Variants in ARHGEF26 observed in about 807,000 individuals in gnomAD.
ARHGEF26 encodes the protein Rho guanine nucleotide exchange factor 26, also known as Rho guanine nucleotide exchange factor (GEF) 26.
A neutral mutation model predicts 89.4 loss-of-function variants in ARHGEF26; 59 were observed. The observed-to-expected ratio is 0.66, with a 90% CI of 0.54 to 0.82. ARHGEF26 has a LOEUF of 0.82. Ranked by LOEUF, ARHGEF26 falls within the 40% of genes least tolerant of loss-of-function variation. The pLI is 0.00. For missense variants in ARHGEF26, 1,234 were observed against 1,085.6 expected (o/e 1.14, Z -1.92); for synonymous variants, 500 against 428.4 (o/e 1.17, Z -2.06).
intron 9 of ARHGEF26, among the ~76,000 whole-genome samples, chr3:154,213,798 A>G (rs922512360): frequency 7.9e-5 from 12 of 152,180 alleles, no homozygotes; most frequent in African/African-American, 2.7e-4. Flanking sequence ...ATAACTATGA[A>G]TAAATTGTTT....
chr3:154,141,954 C>T (rs1379379078), intron 4 of ARHGEF26, among the ~76,000 whole-genome samples: 2 of 152,064 alleles, frequency 1.3e-5, no homozygotes, highest in Admixed American at 1.3e-4. Context: ...ATGAGGCAAA[C>T]AAAACAAGGC....
intron 6 of ARHGEF26, among the ~76,000 whole-genome samples, chr3:154,164,802 T>A (rs1445382133): frequency 6.6e-6 from 1 of 152,130 alleles, no homozygotes; most frequent in Non-Finnish European, 1.5e-5. Flanking sequence ...TTATAAATAT[T>A]TAGGTGTACA....
chr3:154,253,640 T>TA (rs911626177), intron 13 of ARHGEF26, among the ~76,000 whole-genome samples: 9 of 152,172 alleles, frequency 5.9e-5, no homozygotes, highest in Non-Finnish European at 1.3e-4. Context: ...AAAAGAAAAT[T>TA]ACCTAAGAAT....
At chr3:154,238,362 A>G (rs1159834480) in intron 11 of ARHGEF26, among the ~76,000 whole-genome samples, 1 of 152,212 alleles carries the variant, frequency 6.6e-6, no homozygotes, top group African/African-American at 2.4e-5. Context: ...CCTAGGAACA[A>G]TTAGGCTTGA....
At chr3:154,218,666 G>C (rs1361416756) in intron 10 of ARHGEF26, among the ~76,000 whole-genome samples, 2 of 152,248 alleles carry the variant, frequency 1.3e-5, no homozygotes, top group Admixed American at 1.3e-4. Context: ...CCTAGTAAAA[G>C]TGTTTCTATT....
chr3:154,181,674 C>CT (rs893433663), intron 6 of ARHGEF26, among the ~76,000 whole-genome samples: 7 of 152,242 alleles, frequency 4.6e-5, no homozygotes, highest in African/African-American at 1.4e-4. Flanking sequence ...ATTGAAGAAA[C>CT]TCAGATTGGA....
intron 9 of ARHGEF26, among the ~76,000 whole-genome samples, chr3:154,205,835 C>G (rs1422882546): frequency 6.6e-6 from 1 of 152,130 alleles, no homozygotes; most frequent in East Asian, 1.9e-4. Context: ...TCTTATTGTA[C>G]TGACTATGCC....
chr3:154,135,144 A>G (rs1247891518), intron 4 of ARHGEF26, among the ~76,000 whole-genome samples: 1 of 152,122 alleles, frequency 6.6e-6, no homozygotes, highest in African/African-American at 2.4e-5. Flanking sequence ...GAATAGTTTC[A>G]GTAGGAATGG....
At chr3:154,128,618 A>C (rs1280384792) in intron 3 of ARHGEF26, among the ~76,000 whole-genome samples, 1 of 152,162 alleles carries the variant, frequency 6.6e-6, no homozygotes, top group South Asian at 2.1e-4. Context: ...CTCTTGGTAC[A>C]TACAGACATA....
At chr3:154,155,576 G>T (rs1297179214) in intron 6 of ARHGEF26, among the ~76,000 whole-genome samples, 2 of 151,974 alleles carry the variant, frequency 1.3e-5, no homozygotes, top group South Asian at 2.1e-4. Context: ...AGAATCCAGG[G>T]TATTCCTTGA....
At chr3:154,166,207 T>C (rs568829863) in intron 6 of ARHGEF26, among the ~76,000 whole-genome samples, 50 of 152,112 alleles carry the variant, frequency 3.3e-4, no homozygotes, top group African/African-American at 6.7e-4. Flanking sequence ...CATGCCACCA[T>C]GCCTGGCTAA....
At chr3:154,151,280 G>C (rs574020271) in intron 5 of ARHGEF26, among the ~76,000 whole-genome samples, 2 of 152,244 alleles carry the variant, frequency 1.3e-5, no homozygotes, top group Admixed American at 1.3e-4. Context: ...ATTTGTTTAT[G>C]CCCTTCAGGA....
At chr3:154,246,101 C>T (rs963634979) in intron 12 of ARHGEF26, among the ~76,000 whole-genome samples, 7 of 152,020 alleles carry the variant, frequency 4.6e-5, no homozygotes, top group Admixed American at 1.3e-4. Context: ...TGATGTGATC[C>T]GGAGTGAGTG....
At chr3:154,214,893 GC>G (rs1174691757) in intron 9 of ARHGEF26, among the ~76,000 whole-genome samples, 1 of 152,136 alleles carries the variant, frequency 6.6e-6, no homozygotes, top group Non-Finnish European at 1.5e-5. Context: ...GAACTCACAG[GC>G]CACAGCTAAA....
chr3:154,239,262 GAGAGAGAGAGAGA>G (rs1717316439), intron 11 of ARHGEF26, among the ~76,000 whole-genome samples: 1 of 85,142 alleles, frequency 1.2e-5, no homozygotes. Context: ...GAGAGAGAGG[GAGAGAGAGAGAGA>G]GAGAGAGAGA....
At position 154,122,241 on chromosome 3, in the gene ARHGEF26, T is replaced by A; in HGVS notation, c.249T>A (p.Leu83=). 6.2e-7 allele frequency: 1 copy of A among 1,611,076 alleles called. No individual in the cohort carries two copies. Among genetic ancestry groups the A allele is most frequent in the African/African-American group, 1.3e-5 (1 of 74,936 alleles). ...DSRTVHRSPL[L]LGAQRRAVAN... Reference sequence around the variant, plus strand: ...GGACGGTACATAGGAGCCCCCTGCTTCTGGGCGCCCAGCGGAGAGCGGTGG... The same window carrying A: ...GGACGGTACATAGGAGCCCCCTGCTACTGGGCGCCCAGCGGAGAGCGGTGG... The change falls in exon 2 of 15, where the codon CTT becomes CTA. Residue 83 remains leucine (L), a synonymous_variant. Transcript: ENST00000465093.
At chr3:154,152,725 C>A in intron 5 of ARHGEF26, 47 bp from the exon 6 acceptor site, 1 of 1,342,128 alleles carries the variant, frequency 7.5e-7, no homozygotes, top group Non-Finnish European at 9.8e-7. Context: ...ATATTTAGTT[C>A]TTTAATTAAA....
chr3:154,231,509 A>G (rs9839695), intron 11 of ARHGEF26, among the ~76,000 whole-genome samples: 29,856 of 152,118 alleles, frequency 0.2, 3,261 homozygotes, highest in South Asian at 0.36. Context: ...TAATGCACAT[A>G]AAGCTCTTAC....
chr3:154,233,552 T>TTG (rs1716936060), intron 11 of ARHGEF26, among the ~76,000 whole-genome samples: 1 of 152,146 alleles, frequency 6.6e-6, no homozygotes, highest in African/African-American at 2.4e-5. Context: ...TCAGTGCTAC[T>TTG]GGGGGGGAAT....
Sources: allele counts gnomAD v4.1 joint callset (sites outside exome capture counted in the v4.1 genomes callset), GRCh38; gene constraint gnomAD v4.1.1; transcripts MANE v1.5; gene names NCBI Gene and HGNC (gene_info 2026-07-23, HGNC 2026-07-21).